The following ARK2C variants were observed in gnomAD, a reference collection of about 807,000 sequenced individuals.
ARK2C encodes E3 ubiquitin-protein ligase ARK2C.
the ARK2C span, chr18:46,463,089 T>C: frequency 2.6e-5 from 4 of 152,242 alleles, no homozygotes; most frequent in African/African-American, 9.6e-5. Flanking sequence ...TTTTGGTGGA[T>C]TTTTTGTACT....
At chr18:46,394,488 C>T in the ARK2C span, among the ~76,000 whole-genome samples, 10 of 152,262 alleles carry the variant, frequency 6.6e-5, no homozygotes, top group South Asian at 4.2e-4. Context: ...CTGTGGGTCA[C>T]GAGTCTCCAT....
chr18:46,434,769 G>A, the ARK2C span, among the ~76,000 whole-genome samples: 2 of 152,170 alleles, frequency 1.3e-5, no homozygotes, highest in African/African-American at 4.8e-5. Flanking sequence ...GCTGTAGGAG[G>A]TCAGAAGGAG....
chr18:46,446,001 A>C, the ARK2C span, among the ~76,000 whole-genome samples: 1 of 151,322 alleles, frequency 6.6e-6, no homozygotes, highest in African/African-American at 2.4e-5. Flanking sequence ...TTGTGTTGTC[A>C]CTTAAGATGT....
At chr18:46,444,332 C>G in the ARK2C span, among the ~76,000 whole-genome samples, 1 of 152,046 alleles carries the variant, frequency 6.6e-6, no homozygotes, top group South Asian at 2.1e-4. Flanking sequence ...CATTTTTTCC[C>G]TAAAATATTT....
chr18:46,413,011 G>C, the ARK2C span, among the ~76,000 whole-genome samples: 82 of 152,270 alleles, frequency 5.4e-4, no homozygotes, highest in African/African-American at 1.9e-3. Context: ...CCCCCTCTCC[G>C]AGAAGCTGGA....
the ARK2C span, among the ~76,000 whole-genome samples, chr18:46,355,184 C>A: frequency 6.6e-6 from 1 of 152,112 alleles, no homozygotes; most frequent in Non-Finnish European, 1.5e-5. Context: ...AACTCCTGAC[C>A]TCAGGTTATC....
chr18:46,342,874 T>G, the ARK2C span, among the ~76,000 whole-genome samples: 1 of 152,190 alleles, frequency 6.6e-6, no homozygotes, highest in African/African-American at 2.4e-5. Context: ...CAGTCATATT[T>G]TTGTTCATCT....
At chr18:46,398,428 G>C in the ARK2C span, among the ~76,000 whole-genome samples, 4 of 151,990 alleles carry the variant, frequency 2.6e-5, no homozygotes. Flanking sequence ...TGGAGGGTCT[G>C]GCAGAAGAAA....
the ARK2C span, among the ~76,000 whole-genome samples, chr18:46,425,847 A>G: frequency 6.6e-6 from 1 of 152,124 alleles, no homozygotes; most frequent in Admixed American, 6.5e-5. Flanking sequence ...GGAGCTTATG[A>G]ACAACAGAAA....
the ARK2C span, among the ~76,000 whole-genome samples, chr18:46,422,603 C>G: frequency 6.6e-6 from 1 of 152,246 alleles, no homozygotes; most frequent in Non-Finnish European, 1.5e-5. Flanking sequence ...GCTTCTTCCC[C>G]CCGACCGAGG....
the ARK2C span, among the ~76,000 whole-genome samples, chr18:46,352,695 G>A: frequency 3.5e-3 from 530 of 152,264 alleles, 5 homozygotes; most frequent in African/African-American, 0.012. Context: ...GCATGACACA[G>A]CACTGCACAA....
chr18:46,394,884 G>A, the ARK2C span, among the ~76,000 whole-genome samples: 8 of 152,224 alleles, frequency 5.3e-5, no homozygotes, highest in Non-Finnish European at 7.3e-5. Flanking sequence ...CCTGGTAGAG[G>A]ATGCAGAATA....
chr18:46,433,625 G>A, the ARK2C span: 4 of 885,776 alleles, frequency 4.5e-6, no homozygotes, highest in Non-Finnish European at 6.7e-6. Context: ...CGGGGGCGGG[G>A]CTACAGGCTC....
At chr18:46,343,712 T>C in the ARK2C span, among the ~76,000 whole-genome samples, 1 of 152,238 alleles carries the variant, frequency 6.6e-6, no homozygotes, top group Admixed American at 6.5e-5. Flanking sequence ...GAGAAGAGCT[T>C]CTATTCCTAT....
the ARK2C span, among the ~76,000 whole-genome samples, chr18:46,406,832 G>A: frequency 7.9e-5 from 12 of 152,178 alleles, no homozygotes; most frequent in East Asian, 1.2e-3. Context: ...GGCTGGGAGC[G>A]GATGGTGAGG....
At chr18:46,404,049 C>G in the ARK2C span, among the ~76,000 whole-genome samples, 1 of 152,198 alleles carries the variant, frequency 6.6e-6, no homozygotes, top group Non-Finnish European at 1.5e-5. Flanking sequence ...CAAACCACTT[C>G]AAAATCCATT....
the ARK2C span, chr18:46,337,605 A>G: frequency 1.6e-5 from 16 of 984,708 alleles, no homozygotes; most frequent in Non-Finnish European, 1.9e-5. Flanking sequence ...GAATCCACTA[A>G]TACTAATATA....
the ARK2C span, among the ~76,000 whole-genome samples, chr18:46,369,385 G>A: frequency 6.6e-6 from 1 of 152,064 alleles, no homozygotes. Flanking sequence ...GTGTGCTGGG[G>A]TGGCAGGGGG....
chr18:46,412,981 T>A, the ARK2C span, among the ~76,000 whole-genome samples: 2 of 152,080 alleles, frequency 1.3e-5, no homozygotes, highest in African/African-American at 4.8e-5. Flanking sequence ...TGAGGGATGC[T>A]TGCACGTCAA....
Sources: allele counts gnomAD v4.1 joint callset (sites outside exome capture counted in the v4.1 genomes callset), GRCh38; gene constraint gnomAD v4.1.1; transcripts MANE v1.5; gene names NCBI Gene and HGNC (gene_info 2026-07-23, HGNC 2026-07-21).